ZNF827: variants seen among roughly 807,000 people sequenced by gnomAD.
ZNF827 encodes zinc finger protein 827.
In ZNF827, 13 loss-of-function variants were observed where a neutral mutation model predicts 102.4. The ratio of observed to expected loss-of-function variants is 0.13; its 90% CI spans 0.08 to 0.20. ZNF827 has a LOEUF of 0.20. Among genes scored for constraint, ZNF827 ranks in the 10% least tolerant of loss-of-function variants. ZNF827 has a pLI of 1.00. For missense variants in ZNF827, 1,103 were observed against 1,344.4 expected, an observed-to-expected ratio of 0.82 and a Z score of 2.81; for synonymous variants, 523 against 536.2, an observed-to-expected ratio of 0.98 and a Z score of 0.34.
At chr4:145,845,497 A>T (rs961743242) in intron 7 of ZNF827, among the ~76,000 whole-genome samples, 4 of 152,150 alleles carry the variant, frequency 2.6e-5, no homozygotes, top group African/African-American at 9.7e-5. Flanking sequence ...GTTAAAAAAA[A>T]TTTGGGATAT....
chr4:145,796,159 T>C lies in ZNF827; in HGVS notation c.2384-16648A>G, dbSNP rs533112162. 1.0e-3 allele frequency among the ~76,000 whole-genome samples: 152 copies of C among 152,330 alleles called. 2 individuals are homozygous for C. In the South Asian group the frequency reaches 0.028, roughly 28 times the overall value. Reference sequence around the variant, plus strand: ...ATTCCACCGGGTGAAAAACTTGCCATTTGGAACTACGGAGGGAAGAAACTT... The same window carrying C: ...ATTCCACCGGGTGAAAAACTTGCCACTTGGAACTACGGAGGGAAGAAACTT... On this transcript the variant is annotated intron_variant, in intron 8 of 14. Transcript: ENST00000508784.
chr4:145,805,419 T>G (rs1741322078), intron 8 of ZNF827, among the ~76,000 whole-genome samples: 1 of 152,126 alleles, frequency 6.6e-6, no homozygotes, highest in Non-Finnish European at 1.5e-5. Context: ...ATAGAATCCC[T>G]CTGTGATAAC....
chr4:145,923,690 T>C (rs1022394616), intron 1 of ZNF827, among the ~76,000 whole-genome samples: 8 of 152,176 alleles, frequency 5.3e-5, no homozygotes, highest in African/African-American at 1.9e-4. Context: ...AAATATAAAA[T>C]AATGCTACTC....
At chr4:145,807,591 C>T (rs1260250570) in intron 8 of ZNF827, among the ~76,000 whole-genome samples, 1 of 151,766 alleles carries the variant, frequency 6.6e-6, no homozygotes, top group Non-Finnish European at 1.5e-5. Context: ...TCTGCCTCAG[C>T]CTCCCAAATA....
intron 4 of ZNF827, among the ~76,000 whole-genome samples, chr4:145,883,023 C>G (rs1749804836): frequency 6.7e-6 from 1 of 150,372 alleles, no homozygotes; most frequent in Non-Finnish European, 1.5e-5. Flanking sequence ...GAGCAGCTAT[C>G]AAACGTATGG....
chr4:145,804,361 C>T (rs1439887793), intron 8 of ZNF827, among the ~76,000 whole-genome samples: 4 of 152,172 alleles, frequency 2.6e-5, no homozygotes, highest in African/African-American at 7.2e-5. Context: ...AACATATTAT[C>T]TCACTCCCTA....
chr4:145,921,504 G>A (rs1011318884), intron 1 of ZNF827, among the ~76,000 whole-genome samples: 12 of 150,774 alleles, frequency 8.0e-5, no homozygotes, highest in African/African-American at 2.9e-4. Flanking sequence ...GAGGTCAGCT[G>A]GCAACCATTT....
chr4:145,856,567 T>C (rs969003092), intron 5 of ZNF827, among the ~76,000 whole-genome samples: 7 of 152,140 alleles, frequency 4.6e-5, no homozygotes, highest in Non-Finnish European at 7.4e-5. Flanking sequence ...GGACTCTTTC[T>C]TCATAAAAGA....
At chr4:145,795,226 C>A (rs999447855) in intron 8 of ZNF827, among the ~76,000 whole-genome samples, 2 of 152,190 alleles carry the variant, frequency 1.3e-5, no homozygotes, top group Admixed American at 1.3e-4. Context: ...TGGCTCACTG[C>A]AATCTCTGCC....
intron 1 of ZNF827, among the ~76,000 whole-genome samples, chr4:145,938,083 G>T (rs573456493): frequency 6.7e-6 from 1 of 149,428 alleles, no homozygotes; most frequent in East Asian, 2.1e-4. Flanking sequence ...GGGGGAAGGG[G>T]AGGGAAAGGG....
chr4:145,766,934 G>T (rs576216205), intron 11 of ZNF827, among the ~76,000 whole-genome samples: 49 of 152,260 alleles, frequency 3.2e-4, no homozygotes, highest in South Asian at 8.3e-4. Context: ...CCAAAGGAAC[G>T]AGGTTTCCAG....
chr4:145,757,858 GAAGA>G lies in ZNF827; in HGVS notation c.*3754_*3757del, dbSNP rs1244197516. 2.6e-5 allele frequency: 4 copies of G among 152,072 alleles called. No individual in the cohort carries two copies. The highest frequency in any genetic ancestry group is 4.4e-5 in the Non-Finnish European group (3 of 68,018). 9.4% of individuals were successfully genotyped at this position (152,072 alleles called of 1,614,324 possible). ...AATATGAAGAGTTAAAAAAAGGATA[GAAGA>G]AAGAAAGTGCTGAGAACCCTAACTG... On this transcript the variant is annotated 3_prime_UTR_variant, in exon 15 of 15. Transcript: ENST00000508784.
At position 145,888,980 on chromosome 4, in the gene ZNF827, T is replaced by C. The variant is rs548971107; in HGVS notation, c.1267-2822A>G. Reference sequence around the variant, plus strand: ...GATAGAGTAAGTACTATAATACAAATGCAGTAAGTACTATATTTGTTGAAC... The same window carrying C: ...GATAGAGTAAGTACTATAATACAAACGCAGTAAGTACTATATTTGTTGAAC... On this transcript the variant is annotated intron_variant, in intron 3 of 14. Coordinates refer to ENST00000508784, the MANE Select transcript of ZNF827 (RefSeq NM_001306215.2). 9.2e-5 allele frequency among the ~76,000 whole-genome samples: 14 copies of C among 152,300 alleles called. No homozygotes were observed. In the East Asian group the frequency reaches 2.3e-3, roughly 25 times the overall value.
chr4:145,856,307 T>C (rs1176577742), intron 5 of ZNF827, among the ~76,000 whole-genome samples: 1 of 152,146 alleles, frequency 6.6e-6, no homozygotes, highest in Non-Finnish European at 1.5e-5. Context: ...AAGACAAGTT[T>C]TATGTTCTAT....
At chr4:145,849,194 A>G in intron 6 of ZNF827, 128 bp downstream of exon 6, 1 of 1,268,148 alleles carries the variant, frequency 7.9e-7, no homozygotes, top group African/African-American at 1.5e-5. Context: ...ATGCATGTTA[A>G]AGCAACAAAA....
chr4:145,878,737 A>AAGGGAGGAAGGGAGAGAGAGGG, intron 4 of ZNF827, among the ~76,000 whole-genome samples: 1 of 147,896 alleles, frequency 6.8e-6, no homozygotes, highest in Non-Finnish European at 1.5e-5. Context: ...GAGAGAGAGG[A>AAGGGAGGAAGGGAGAGAGAGGG]AGGGAGGAAG....
In ZNF827 at chr4:145,892,258, G is replaced by A. The variant is rs1292372306; in HGVS notation, c.1251C>T (p.Leu417=). The change falls in exon 3 of 15, where the codon CTC becomes CTT. Residue 417 remains leucine (L), a synonymous_variant. Coordinates refer to ENST00000508784, the MANE Select transcript of ZNF827 (RefSeq NM_001306215.2). ...GGTGGCTTACCTTCATGTGGGATTT[G>A]AGATTGTCCTTGCGAGCACACCGGA... ...CPFRCARKDN[L]KSHMKVHQHQ... is the part of the protein sequence containing the mutation. 5 of 1,609,976 alleles carry A rather than the reference G, an allele frequency of 3.1e-6. No individual in the cohort carries two copies. The South Asian group carries it at 4.4e-5, about 14-fold the overall frequency.
intron 3 of ZNF827, 39 bp downstream of exon 3, chr4:145,892,204 G>A: frequency 1.3e-6 from 2 of 1,573,222 alleles, no homozygotes; most frequent in Non-Finnish European, 1.7e-6. Flanking sequence ...CCCTGGCTGT[G>A]CCTGCCTCTC....
intron 8 of ZNF827, among the ~76,000 whole-genome samples, chr4:145,791,156 A>C (rs1739620777): frequency 2.6e-5 from 4 of 152,202 alleles, no homozygotes; most frequent in Admixed American, 6.5e-5. Context: ...TTTTTCTCAC[A>C]GTTCTGGAGG....
Sources: gnomAD v4.1 joint callset for allele counts (sites outside exome capture counted in the v4.1 genomes callset) on GRCh38, gnomAD v4.1.1 for gene constraint, MANE v1.5 for transcripts, NCBI Gene and HGNC (gene_info 2026-07-23, HGNC 2026-07-21) for gene names.